DLGAP2: variants seen among roughly 807,000 people sequenced by gnomAD.
DLGAP2 encodes disks large-associated protein 2.
Under a neutral mutation model 100.3 loss-of-function variants are expected in DLGAP2, and 26 were observed. That is an observed-to-expected ratio of 0.26 (90% confidence interval 0.19 to 0.36). The LOEUF (loss-of-function observed/expected upper bound fraction) is 0.36, where lower values mean the gene tolerates loss of function less well. Ranked by LOEUF, DLGAP2 falls within the 10% of genes least tolerant of loss-of-function variation. DLGAP2 has a pLI of 1.00. For synonymous variants in DLGAP2, 886 were observed against 630.1 expected, an observed-to-expected ratio of 1.41 and a Z score of -6.08; for missense variants, 1,858 against 1,453.2, an observed-to-expected ratio of 1.28 and a Z score of -4.53.
chr8:901,694 A>G (rs1798255104), intron 1 of DLGAP2, among the ~76,000 whole-genome samples: 2 of 152,188 alleles, frequency 1.3e-5, no homozygotes, highest in African/African-American at 4.8e-5. Flanking sequence ...GTGGAGAGGG[A>G]GATCCAGCAA....
chr8:1,191,891 T>G lies in DLGAP2; in HGVS notation c.74-66960T>G, dbSNP rs7012919. ...GAAGCGCCTTTATTCTTGGTGCAGTTGGCCCCTCTGAGCATGAAGCTCACT... is the reference window on the plus strand; with the variant it reads ...GAAGCGCCTTTATTCTTGGTGCAGTGGGCCCCTCTGAGCATGAAGCTCACT... On this transcript the variant is annotated intron_variant, in intron 2 of 14. Transcript: ENST00000637795. Among the ~76,000 whole-genome samples, 387 of 152,186 alleles carry G rather than the reference T, an allele frequency of 2.5e-3. 9 individuals are homozygous for G. The South Asian group carries it at 0.039, about 15-fold the overall frequency.
In DLGAP2 at chr8:1,668,547, C is replaced by A; in HGVS notation, c.2029C>A (p.Leu677Met). Residue 677 changes from leucine to methionine, a missense_variant, in exon 9 of 15, where the codon CTG (leucine) becomes ATG (methionine). Leu to Met is a conservative substitution (Grantham distance 15). Transcript: ENST00000637795. ...LDSNKAMNLALETAAAQRHLP... is the reference protein window; with the variant it reads ...LDSNKAMNLAMETAAAQRHLP... Reference sequence around the variant, plus strand: ...CAGCAACAAGGCCATGAACCTCGCGCTGGAAACGGCCGCTGCCCAGCGCCA... The same window carrying A: ...CAGCAACAAGGCCATGAACCTCGCGATGGAAACGGCCGCTGCCCAGCGCCA... 6.3e-7 allele frequency: 1 copy of A among 1,591,148 alleles called. No homozygotes were observed. Among genetic ancestry groups the A allele is most frequent in the Non-Finnish European group, 8.5e-7 (1 of 1,170,086 alleles).
At chr8:1,378,459 C>A (rs983808287) in intron 3 of DLGAP2, among the ~76,000 whole-genome samples, 1 of 151,838 alleles carries the variant, frequency 6.6e-6, no homozygotes, top group Non-Finnish European at 1.5e-5. Flanking sequence ...CTGCGCACAC[C>A]TGACTTCGCC....
At chr8:1,151,597 C>T (rs1011063718) in intron 2 of DLGAP2, among the ~76,000 whole-genome samples, 4 of 152,106 alleles carry the variant, frequency 2.6e-5, no homozygotes, top group Non-Finnish European at 5.9e-5. Flanking sequence ...GGGGCACCTT[C>T]GCAAGGGGAA....
At chr8:1,553,080 C>T (rs1393033694) in intron 5 of DLGAP2, among the ~76,000 whole-genome samples, 2 of 152,150 alleles carry the variant, frequency 1.3e-5, no homozygotes, top group Non-Finnish European at 2.9e-5. Context: ...GGGAGAGACG[C>T]CGCCTCCCCG....
intron 5 of DLGAP2, among the ~76,000 whole-genome samples, chr8:1,561,366 G>A (rs569151268): frequency 1.3e-5 from 2 of 152,242 alleles, no homozygotes; most frequent in African/African-American, 4.8e-5. Flanking sequence ...GCAGACCTGG[G>A]CACAAGGCAC....
At chr8:1,201,140 G>A (rs996530278) in intron 2 of DLGAP2, among the ~76,000 whole-genome samples, 12 of 152,210 alleles carry the variant, frequency 7.9e-5, no homozygotes. Flanking sequence ...GGAAGAGGAG[G>A]ATGCCACGGA....
chr8:1,546,866 C>T (rs1249225733), intron 4 of DLGAP2, among the ~76,000 whole-genome samples: 1 of 152,082 alleles, frequency 6.6e-6, no homozygotes. Context: ...TTCCGGGATC[C>T]GAGGCATGGA....
At chr8:1,531,300 C>T (rs1439239296) in intron 4 of DLGAP2, among the ~76,000 whole-genome samples, 2 of 150,394 alleles carry the variant, frequency 1.3e-5, no homozygotes, top group Non-Finnish European at 2.9e-5. Context: ...GGACAAATTT[C>T]ATAAGAGATA....
chr8:967,224 G>A (rs1442017216), intron 2 of DLGAP2, among the ~76,000 whole-genome samples: 1 of 152,352 alleles, frequency 6.6e-6, no homozygotes, highest in African/African-American at 2.4e-5. Flanking sequence ...CTTACTGATG[G>A]ACAGTGAGAT....
At chr8:1,333,298 A>T (rs1216519942) in intron 3 of DLGAP2, among the ~76,000 whole-genome samples, 1 of 152,100 alleles carries the variant, frequency 6.6e-6, no homozygotes, top group Non-Finnish European at 1.5e-5. Context: ...GAGTCTCAGG[A>T]CACGGGGACG....
intron 3 of DLGAP2, among the ~76,000 whole-genome samples, chr8:1,313,948 G>A (rs959015004): frequency 6.6e-6 from 1 of 151,918 alleles, no homozygotes; most frequent in African/African-American, 2.4e-5. Context: ...TCACACTTCA[G>A]TATTGGTTAT....
At chr8:1,054,912 C>T (rs554530086) in intron 2 of DLGAP2, among the ~76,000 whole-genome samples, 1 of 152,152 alleles carries the variant, frequency 6.6e-6, no homozygotes, top group African/African-American at 2.4e-5. Flanking sequence ...AGCACTAGAA[C>T]AAAATAATAA....
chr8:1,579,119 CTTTGCT>C (rs1462244873), intron 6 of DLGAP2, among the ~76,000 whole-genome samples: 2 of 151,996 alleles, frequency 1.3e-5, no homozygotes, highest in Non-Finnish European at 2.9e-5. Flanking sequence ...ATTTGGAGGC[CTTTGCT>C]TTTTTTTCTG....
At chr8:929,697 C>G (rs1197583010) in intron 2 of DLGAP2, among the ~76,000 whole-genome samples, 1 of 126,358 alleles carries the variant, frequency 7.9e-6, no homozygotes, top group East Asian at 2.3e-4. Flanking sequence ...CCCCTCTAAA[C>G]ATCCCACACC....
chr8:1,440,620 GC>G (rs1351872622), intron 3 of DLGAP2, among the ~76,000 whole-genome samples: 3 of 152,220 alleles, frequency 2.0e-5, no homozygotes, highest in Non-Finnish European at 2.9e-5. Context: ...AGACTCATGG[GC>G]TCTCCTGAAT....
At chr8:1,021,909 C>G (rs1387257997) in intron 2 of DLGAP2, among the ~76,000 whole-genome samples, 1 of 152,170 alleles carries the variant, frequency 6.6e-6, no homozygotes, top group Non-Finnish European at 1.5e-5. Context: ...ATCTCCACCC[C>G]CCACTTCCTG....
chr8:1,249,038 G>T (rs184710713), intron 2 of DLGAP2, among the ~76,000 whole-genome samples: 10 of 152,316 alleles, frequency 6.6e-5, no homozygotes, highest in African/African-American at 2.2e-4. Flanking sequence ...TTATGCTGCT[G>T]TGACATTGAA....
At chr8:1,334,667 G>A (rs528877260) in intron 3 of DLGAP2, among the ~76,000 whole-genome samples, 3 of 152,176 alleles carry the variant, frequency 2.0e-5, no homozygotes, top group East Asian at 1.9e-4. Flanking sequence ...TGGCATCCAC[G>A]TCGGCATTCT....
Sources: allele counts gnomAD v4.1 joint callset (sites outside exome capture counted in the v4.1 genomes callset), GRCh38; gene constraint gnomAD v4.1.1; transcripts MANE v1.5; gene names NCBI Gene and HGNC (gene_info 2026-07-23, HGNC 2026-07-21).